GPAT3: variants seen among roughly 807,000 people sequenced by gnomAD.
GPAT3 encodes 1-AGP acyltransferase 9.
A neutral mutation model predicts 58.8 loss-of-function variants in GPAT3; 53 were observed. The ratio of observed to expected loss-of-function variants is 0.90; its 90% CI spans 0.72 to 1.13. The LOEUF is 1.13. Ranked by LOEUF, GPAT3 falls within the 50% of genes most tolerant of loss-of-function variation. GPAT3 has a pLI of 0.00. For missense variants in GPAT3, 511 were observed against 527.6 expected (o/e 0.97, Z 0.31); for synonymous variants, 197 against 187.4 (o/e 1.05, Z -0.42).
chr4:83,580,922 C>G (rs1035589136), intron 2 of GPAT3, among the ~76,000 whole-genome samples: 1 of 151,818 alleles, frequency 6.6e-6, no homozygotes, highest in African/African-American at 2.4e-5. Flanking sequence ...TGGTGAAACC[C>G]TGTCTCTATT....
At chr4:83,583,667 GAA>G (rs749976752) in intron 3 of GPAT3, among the ~76,000 whole-genome samples, 10 of 23,478 alleles carry the variant, frequency 4.3e-4, no homozygotes, top group African/African-American at 1.1e-3. Context: ...ACTCTTGTCT[GAA>G]AAAAAAAAAA....
At chr4:83,570,850 C>T (rs1469891868) in intron 2 of GPAT3, among the ~76,000 whole-genome samples, 1 of 152,100 alleles carries the variant, frequency 6.6e-6, no homozygotes, top group Non-Finnish European at 1.5e-5. Flanking sequence ...TTACAATGCA[C>T]ATATTCAGTG....
At chr4:83,562,211 TTATATATATATATA>T (rs1320494269) in intron 2 of GPAT3, among the ~76,000 whole-genome samples, 9 of 73,008 alleles carry the variant, frequency 1.2e-4, no homozygotes, top group African/African-American at 6.5e-4. Context: ...TATATATATA[TTATATATATATATA>T]ATATATATAT....
At chr4:83,595,293 ATT>A (rs1726778732) in intron 7 of GPAT3, 1 of 164,306 alleles carries the variant, frequency 6.1e-6, no homozygotes, top group Non-Finnish European at 1.3e-5. Flanking sequence ...AAAAAAATAA[ATT>A]AGATATGTAT....
intron 2 of GPAT3, among the ~76,000 whole-genome samples, chr4:83,577,788 CTTTTTTTTTTTTTT>C (rs1185047521): frequency 1.5e-5 from 1 of 66,690 alleles, no homozygotes; most frequent in Non-Finnish European, 3.0e-5. Flanking sequence ...GTCATTGTGG[CTTTTTTTTTTTTTT>C]TTTTTTTTTT....
chr4:83,597,873 C>G (rs534742195), intron 9 of GPAT3, among the ~76,000 whole-genome samples, 178 bp from the exon 10 acceptor site: 2 of 152,148 alleles, frequency 1.3e-5, no homozygotes, highest in Non-Finnish European at 2.9e-5. Flanking sequence ...GCAGTCATCT[C>G]TAGTCAGATG....
At chr4:83,595,758 A>C (rs1726800133) in intron 7 of GPAT3, among the ~76,000 whole-genome samples, 1 of 152,092 alleles carries the variant, frequency 6.6e-6, no homozygotes, top group African/African-American at 2.4e-5. Context: ...GAATGGGAGA[A>C]GGAACCTCTG....
At chr4:83,591,790 A>G (rs143543499) in intron 6 of GPAT3, among the ~76,000 whole-genome samples, 36 of 152,270 alleles carry the variant, frequency 2.4e-4, no homozygotes, top group African/African-American at 7.2e-4. Flanking sequence ...TTAGGCAACC[A>G]ATCTGCCTAA....
chr4:83,543,330 T>C (rs1421304376), intron 1 of GPAT3, among the ~76,000 whole-genome samples: 1 of 152,162 alleles, frequency 6.6e-6, no homozygotes, highest in African/African-American at 2.4e-5. Context: ...TACTTTTTAG[T>C]ATAAAAGCCC....
intron 2 of GPAT3, among the ~76,000 whole-genome samples, chr4:83,560,007 A>G (rs887888393): frequency 2.6e-5 from 4 of 152,204 alleles, no homozygotes; most frequent in Non-Finnish European, 5.9e-5. Flanking sequence ...CAAAACCTTT[A>G]GGCAGGAGCT....
Position 83,588,266 on chromosome 4 carries a change from G to C in GPAT3, c.611G>C (p.Arg204Pro). The C allele has an allele frequency of 6.2e-7, 1 of 1,613,734 alleles. No homozygotes were observed. Among genetic ancestry groups the C allele is most frequent in the Non-Finnish European group, 8.5e-7 (1 of 1,179,872 alleles). The change falls in exon 5 of 12, where the codon CGA becomes CCA. Residue 204 changes from arginine to proline, a missense_variant. Transcript: ENST00000264409. ...VHLTCCRICVRALSGTIHYHN... is the reference protein window; with the variant it reads ...VHLTCCRICVPALSGTIHYHN... Reference sequence around the variant, plus strand: ...CTGACTTGCTGCCGGATCTGTGTGCGAGCCCTCTCTGGTACCATTCATTAT... The same window carrying C: ...CTGACTTGCTGCCGGATCTGTGTGCCAGCCCTCTCTGGTACCATTCATTAT...
At chr4:83,548,053 C>G (rs541794592) in intron 2 of GPAT3, among the ~76,000 whole-genome samples, 1 of 152,292 alleles carries the variant, frequency 6.6e-6, no homozygotes, top group African/African-American at 2.4e-5. Flanking sequence ...TTCCCCACTT[C>G]AAGTAACTCT....
At chr4:83,548,069 T>A (rs1724613283) in intron 2 of GPAT3, among the ~76,000 whole-genome samples, 1 of 152,202 alleles carries the variant, frequency 6.6e-6, no homozygotes, top group Non-Finnish European at 1.5e-5. Context: ...ACTCTGTTAT[T>A]CTGAGCATTA....
At chr4:83,581,138 T>A (rs1726108443) in intron 2 of GPAT3, among the ~76,000 whole-genome samples, 2 of 151,832 alleles carry the variant, frequency 1.3e-5, no homozygotes, top group South Asian at 4.2e-4. Flanking sequence ...TTTTGCCATT[T>A]ATGGTGAATC....
At chr4:83,562,193 AT>A (rs1314111547) in intron 2 of GPAT3, among the ~76,000 whole-genome samples, 4 of 48,000 alleles carry the variant, frequency 8.3e-5, no homozygotes, top group African/African-American at 1.6e-4. Flanking sequence ...ATATATATAT[AT>A]ATATAATATA....
At chr4:83,561,862 G>A (rs1725139000) in intron 2 of GPAT3, among the ~76,000 whole-genome samples, 1 of 149,466 alleles carries the variant, frequency 6.7e-6, no homozygotes, top group Non-Finnish European at 1.5e-5. Context: ...TATCTCCATA[G>A]GACAAGCATC....
intron 2 of GPAT3, among the ~76,000 whole-genome samples, chr4:83,565,560 G>A (rs983857430): frequency 6.6e-5 from 10 of 151,700 alleles, no homozygotes; most frequent in Admixed American, 6.6e-4. Context: ...GTGCAGTGGT[G>A]CGCTCTCGGC....
chr4:83,538,699 C>T (rs1724188194), intron 1 of GPAT3, among the ~76,000 whole-genome samples: 1 of 152,124 alleles, frequency 6.6e-6, no homozygotes, highest in Non-Finnish European at 1.5e-5. Context: ...ATAGGATGAT[C>T]TCCAGTCCAG....
chr4:83,587,448 A>G, intron 4 of GPAT3, 119 bp downstream of exon 4: 2 of 983,470 alleles, frequency 2.0e-6, no homozygotes, highest in Non-Finnish European at 3.0e-6. Flanking sequence ...TATTTTTGAG[A>G]CGGAGTCTCG....
Sources: allele counts gnomAD v4.1 joint callset (sites outside exome capture counted in the v4.1 genomes callset), GRCh38; gene constraint gnomAD v4.1.1; transcripts MANE v1.5; gene names NCBI Gene and HGNC (gene_info 2026-07-23, HGNC 2026-07-21).